Variants in CEP63 observed in about 807,000 individuals in gnomAD.
The protein encoded by CEP63 is centrosomal protein 63.
CEP63 carries 84 observed loss-of-function variants against 89.1 expected under a neutral mutation model. That is an observed-to-expected ratio of 0.94 (90% CI 0.79 to 1.13). The LOEUF is 1.13. CEP63 is among the 50% of genes most tolerant of loss of function. The pLI is 0.00. For synonymous variants in CEP63, 267 were observed against 272.5 expected (o/e 0.98, Z 0.20); for missense variants, 838 against 813.3 (o/e 1.03, Z -0.37).
At chr3:134,611,647 C>T in the CEP63 span, among the ~76,000 whole-genome samples, 3 of 152,362 alleles carry the variant, frequency 2.0e-5, no homozygotes, top group East Asian at 5.8e-4. Flanking sequence ...TTGAGTACCA[C>T]ACAAGCTGCT....
At chr3:134,666,584 C>G in the CEP63 span, among the ~76,000 whole-genome samples, 1 of 152,094 alleles carries the variant, frequency 6.6e-6, no homozygotes, top group Non-Finnish European at 1.5e-5. Context: ...CTTCCTATAC[C>G]TTTTGCTTCA....
the CEP63 span, among the ~76,000 whole-genome samples, chr3:134,743,359 T>G: frequency 6.6e-6 from 1 of 152,174 alleles, no homozygotes; most frequent in African/African-American, 2.4e-5. Flanking sequence ...AAATACATGG[T>G]CATAATTATT....
At chr3:134,574,877 G>C in exon 12 of CEP63, 1 of 541,846 alleles carries the variant, frequency 1.8e-6, no homozygotes, top group Non-Finnish European at 3.3e-6. Context: ...CAAAGTGCTG[G>C]AATTACAAGT....
the CEP63 span, among the ~76,000 whole-genome samples, chr3:134,726,455 G>GAC: frequency 0.052 from 2,650 of 51,054 alleles, 55 homozygotes; most frequent in South Asian, 0.14. Flanking sequence ...CAGGCACACA[G>GAC]ACAGACACAC....
At chr3:134,682,207 G>A in the CEP63 span, among the ~76,000 whole-genome samples, 3 of 152,260 alleles carry the variant, frequency 2.0e-5, no homozygotes, top group Non-Finnish European at 2.9e-5. Flanking sequence ...ATTTAGGAGC[G>A]GGTCAGGAGA....
intron 8 of CEP63, among the ~76,000 whole-genome samples, chr3:134,546,678 A>G (rs568884169): frequency 6.6e-5 from 10 of 152,272 alleles, no homozygotes; most frequent in East Asian, 5.8e-4. Context: ...TTCATATTGC[A>G]TATTCATAAT....
the CEP63 span, among the ~76,000 whole-genome samples, chr3:134,617,524 C>T: frequency 6.6e-6 from 1 of 152,170 alleles, no homozygotes. Context: ...TTCCTGTATG[C>T]ACAGAACACA....
At chr3:134,556,778 G>A (rs149325988) in intron 12 of CEP63, among the ~76,000 whole-genome samples, 71 of 152,142 alleles carry the variant, frequency 4.7e-4, no homozygotes, top group Non-Finnish European at 9.6e-4. Context: ...ATGTGTGCTC[G>A]CTACTCAGTT....
At chr3:134,660,624 C>A in the CEP63 span, among the ~76,000 whole-genome samples, 220 of 152,264 alleles carry the variant, frequency 1.4e-3, 1 homozygote, top group African/African-American at 5.1e-3. Context: ...AACTTTATCA[C>A]TGGAATGGGG....
chr3:134,659,574 A>C, the CEP63 span, among the ~76,000 whole-genome samples: 1 of 152,186 alleles, frequency 6.6e-6, no homozygotes, highest in Non-Finnish European at 1.5e-5. Flanking sequence ...TGCACGTTTC[A>C]GTGAAAAGGC....
chr3:134,498,026 G>A (rs1395627357), intron 2 of CEP63, among the ~76,000 whole-genome samples: 1 of 152,126 alleles, frequency 6.6e-6, no homozygotes, highest in Admixed American at 6.5e-5. Flanking sequence ...TGTTCCTTTT[G>A]ATCAAGATTC....
the CEP63 span, among the ~76,000 whole-genome samples, chr3:134,697,764 T>C: frequency 6.6e-6 from 1 of 152,238 alleles, no homozygotes; most frequent in African/African-American, 2.4e-5. Context: ...TTGAGGCCTG[T>C]TCTTATCATT....
the CEP63 span, among the ~76,000 whole-genome samples, chr3:134,781,252 A>G: frequency 0.16 from 23,637 of 152,056 alleles, 3,367 homozygotes; most frequent in African/African-American, 0.37. Flanking sequence ...AAAATTATAG[A>G]TTTTTTTTGT....
At position 134,498,706 on chromosome 3, in the gene CEP63, C is replaced by G. The variant is rs1940966557; in HGVS notation, c.44+3342C>G. Among the ~76,000 whole-genome samples the G allele has an allele frequency of 2.0e-5, 3 of 152,012 alleles. No homozygotes were observed. The South Asian group carries it at 6.2e-4, about 31-fold the overall frequency. ...TACCTGGGGAGCTGTCTTATATGGCCTTTATTATGTTGAGGTATGTTCCTT... is the reference window on the plus strand; with the variant it reads ...TACCTGGGGAGCTGTCTTATATGGCGTTTATTATGTTGAGGTATGTTCCTT... On this transcript the variant is annotated intron_variant, in intron 2 of 14. Transcript: ENST00000675561.
the CEP63 span, among the ~76,000 whole-genome samples, chr3:134,711,149 C>T: frequency 6.6e-6 from 1 of 152,198 alleles, no homozygotes; most frequent in African/African-American, 2.4e-5. Context: ...TCAGTATTTA[C>T]GTTAGTATGA....
chr3:134,547,410 G>A lies in CEP63; in HGVS notation c.1005G>A (p.Gln335=). 2 of 1,613,836 alleles carry A rather than the reference G, an allele frequency of 1.2e-6. No individual in the cohort carries two copies. The highest frequency in any genetic ancestry group is 8.5e-7 in the Non-Finnish European group (1 of 1,179,804). Reference sequence around the variant, plus strand: ...GGGACTTAGACAGTGTGCTCTCCCAGTTGAATTTTACCCATACTAGTGAGG... The same window carrying A: ...GGGACTTAGACAGTGTGCTCTCCCAATTGAATTTTACCCATACTAGTGAGG... ...GQGDLDSVLS[Q]LNFTHTSEDL... The change falls in exon 9 of 15, where the codon CAG becomes CAA. Residue 335 remains glutamine, a synonymous_variant. Coordinates refer to ENST00000675561, the MANE Select transcript of CEP63 (RefSeq NM_001353108.3).
At chr3:134,607,851 A>T in the CEP63 span, 1 of 987,834 alleles carries the variant, frequency 1.0e-6, no homozygotes, top group Non-Finnish European at 1.2e-6. Context: ...CGCCTCCAGA[A>T]GGGAGGGGTA....
Position 134,561,783 on chromosome 3 carries a change from A to T in CEP63, c.*248A>T. ...CTTTGCTAGACTTTTTTCTCATACG[A>T]ATATTTATTATCATAAAGTGATACT... On this transcript the variant is annotated 3_prime_UTR_variant, in exon 15 of 15. Transcript: ENST00000675561. The T allele has an allele frequency of 7.7e-7, 1 of 1,296,160 alleles. No homozygotes were observed. The highest frequency in any genetic ancestry group is 9.8e-7 in the Non-Finnish European group (1 of 1,017,602). The allele number at this position is 1,296,160 out of a possible 1,614,324, so 80.3% of individuals were successfully genotyped here.
chr3:134,496,199 A>AT (rs61189568), intron 2 of CEP63, among the ~76,000 whole-genome samples: 96,219 of 151,890 alleles, frequency 0.63, 31,199 homozygotes, highest in East Asian at 0.81. Flanking sequence ...TATTGATGCT[A>AT]TTTCAGTCAT....
Sources: gnomAD v4.1 joint callset for allele counts (sites outside exome capture counted in the v4.1 genomes callset) on GRCh38, gnomAD v4.1.1 for gene constraint, MANE v1.5 for transcripts, NCBI Gene and HGNC (gene_info 2026-07-23, HGNC 2026-07-21) for gene names.